MTG2: variants seen among roughly 807,000 people sequenced by gnomAD.
MTG2 encodes the protein mitochondrial ribosome-associated GTPase 2.
In MTG2, 23 loss-of-function variants were observed where a neutral mutation model predicts 28.6. The observed-to-expected ratio is 0.80, with a 90% CI of 0.58 to 1.14. The LOEUF (loss-of-function observed/expected upper bound fraction) is 1.14, where lower values mean the gene tolerates loss of function less well. MTG2 is among the 50% of genes most tolerant of loss of function. The pLI, the probability that MTG2 is intolerant of heterozygous loss-of-function variation, is 0.00. For missense variants in MTG2, 539 were observed against 552.0 expected (o/e 0.98, Z 0.24); for synonymous variants, 260 against 251.8 (o/e 1.03, Z -0.31).
At position 62,203,124 on chromosome 20, in the gene MTG2, G is replaced by A. The variant is rs779938985; in HGVS notation, c.*2047G>A. The A allele has an allele frequency of 1.4e-4, 21 of 152,202 alleles. No homozygotes were observed. The highest frequency in any genetic ancestry group is 1.2e-3 in the Admixed American group (19 of 15,274). 9.4% of individuals were successfully genotyped at this position (152,202 alleles called of 1,614,324 possible). A position where few individuals can be genotyped will look rare whatever the true frequency, so the allele number is the denominator to read the frequency against. ...TTTGTGGAGTCGCCCCAGGCCTGAC[G>A]GCGTTAATTATCCCTGGCTTTCATC... On this transcript the variant is annotated 3_prime_UTR_variant, in exon 7 of 7. Coordinates refer to ENST00000370823, the MANE Select transcript of MTG2 (RefSeq NM_015666.4).
intron 4 of MTG2, 130 bp from the exon 5 acceptor site, chr20:62,198,503 TG>T (rs771224759): frequency 2.4e-4 from 221 of 921,914 alleles, no homozygotes; most frequent in Non-Finnish European, 3.5e-4. Flanking sequence ...CAGAGGTGAG[TG>T]GGGCGGGCAG....
intron 1 of MTG2, among the ~76,000 whole-genome samples, chr20:62,183,885 C>T (rs762882231): frequency 2.6e-5 from 4 of 152,184 alleles, no homozygotes; most frequent in African/African-American, 7.2e-5. Context: ...TTATCCTGGC[C>T]TTAGTCCCTT....
chr20:62,190,545 T>G (rs2057937039), intron 1 of MTG2, among the ~76,000 whole-genome samples: 1 of 152,168 alleles, frequency 6.6e-6, no homozygotes. Context: ...TCTAGAATCT[T>G]TATTGCACCT....
rs535305085 is a variant in MTG2, at chr20:62,202,291, C to T, written c.*1214C>T. 3 of 152,520 alleles carry T rather than the reference C, an allele frequency of 2.0e-5. No individual in the cohort carries two copies. Among genetic ancestry groups the T allele is most frequent in the African/African-American group, 7.2e-5 (3 of 41,586 alleles). The allele number at this position is 152,520 out of a possible 1,614,324, so 9.4% of individuals were successfully genotyped here. A position where few individuals can be genotyped will look rare whatever the true frequency, so the allele number is the denominator to read the frequency against. On this transcript the variant is annotated 3_prime_UTR_variant, in exon 7 of 7. Transcript: ENST00000370823. ...GTAGTCTCAGGCCTCTGACATGTCCCTGAGGGGCCCCTAAGAAAGAAAGTG... is the reference window on the plus strand; with the variant it reads ...GTAGTCTCAGGCCTCTGACATGTCCTTGAGGGGCCCCTAAGAAAGAAAGTG...
chr20:62,183,543 G>A (rs1056014652), intron 1 of MTG2, among the ~76,000 whole-genome samples: 6 of 152,200 alleles, frequency 3.9e-5, no homozygotes, highest in Admixed American at 2.0e-4. Flanking sequence ...TATTGTAAAC[G>A]CGCCTCAGGG....
chr20:62,196,612 G>T (rs2058063362), intron 3 of MTG2, among the ~76,000 whole-genome samples: 1 of 152,142 alleles, frequency 6.6e-6, no homozygotes, highest in South Asian at 2.1e-4. Flanking sequence ...CGAGGTTGCA[G>T]TGAGCTCCGA....
Position 62,198,760 on chromosome 20 carries a change from A to C in MTG2, c.595A>C (p.Asn199His). 1 of 1,614,150 alleles carries C rather than the reference A, an allele frequency of 6.2e-7. No individual in the cohort carries two copies. Among genetic ancestry groups the C allele is most frequent in the Non-Finnish European group, 8.5e-7 (1 of 1,180,042 alleles). ...AGGCAACCGCTTCTTCCTGGCCAACAACAACCGTGCCCCTGTGACCTGTAC... is the reference window on the plus strand; with the variant it reads ...AGGCAACCGCTTCTTCCTGGCCAACCACAACCGTGCCCCTGTGACCTGTAC... ...GKGNRFFLAN[N>H]NRAPVTCTPG... Residue 199 changes from asparagine (N) to histidine (H), a missense_variant, in exon 5 of 7, where the codon AAC (asparagine) becomes CAC (histidine). By Grantham distance (68) the Asn-to-His change is moderately conservative. Transcript: ENST00000370823.
intron 6 of MTG2, among the ~76,000 whole-genome samples, chr20:62,199,691 A>G (rs995301713): frequency 5.7e-5 from 7 of 123,720 alleles, no homozygotes; most frequent in African/African-American, 2.1e-4. Flanking sequence ...AATGTAAACA[A>G]CTTTTTTTTT....
intron 3 of MTG2, among the ~76,000 whole-genome samples, chr20:62,196,703 A>T (rs979533748): frequency 1.3e-5 from 2 of 151,188 alleles, no homozygotes; most frequent in Admixed American, 1.3e-4. Flanking sequence ...AACAAAAAAA[A>T]CCCTGATGTA....
chr20:62,185,188 C>A (rs1012643182), intron 1 of MTG2, among the ~76,000 whole-genome samples: 1 of 150,300 alleles, frequency 6.7e-6, no homozygotes, highest in Non-Finnish European at 1.5e-5. Context: ...CTGAGGTGGG[C>A]GGATCACGAG....
At chr20:62,190,587 G>A (rs1409570096) in intron 1 of MTG2, among the ~76,000 whole-genome samples, 3 of 152,180 alleles carry the variant, frequency 2.0e-5, no homozygotes, top group African/African-American at 7.2e-5. Context: ...CCTGCGTATA[G>A]AATACCTCGG....
intron 1 of MTG2, among the ~76,000 whole-genome samples, chr20:62,185,410 CA>C (rs1286021276): frequency 1.4e-5 from 2 of 138,662 alleles, no homozygotes; most frequent in African/African-American, 2.9e-5. Flanking sequence ...AGACTGTCTC[CA>C]AAAAAAATAA....
In MTG2 at chr20:62,203,527, G is replaced by C. The variant is rs907499989; in HGVS notation, c.*2450G>C. On this transcript the variant is annotated 3_prime_UTR_variant, in exon 7 of 7. Transcript: ENST00000370823. ...TTTTGTCAGTCTGCTTTTCAAATGG[G>C]ATATATGATTCACATACCATAAAAT... 3.9e-5 allele frequency: 6 copies of C among 152,176 alleles called. No homozygotes were observed. Among genetic ancestry groups the C allele is most frequent in the Admixed American group, 3.9e-4 (6 of 15,282 alleles). The allele number at this position is 152,176 out of a possible 1,614,324, so 9.4% of individuals were successfully genotyped here. A position where few individuals can be genotyped will look rare whatever the true frequency, so the allele number is the denominator to read the frequency against.
At chr20:62,196,399 G>A (rs1177527254) in intron 3 of MTG2, among the ~76,000 whole-genome samples, 5 of 151,904 alleles carry the variant, frequency 3.3e-5, no homozygotes, top group South Asian at 2.1e-4. Context: ...CCAGCTAGGC[G>A]CAGTGGCTCA....
rs1353247650 is a variant in MTG2, at chr20:62,197,886, G to C, written c.387G>C (p.Leu129=). The C allele has an allele frequency of 6.2e-7, 1 of 1,614,078 alleles. No homozygotes were observed. The highest frequency in any genetic ancestry group is 8.5e-7 in the Non-Finnish European group (1 of 1,180,010). ...DQQVKSLSSV[L]SRYQGFSGED... is the part of the protein sequence containing the mutation. ...AAGTCAAGTCCCTGTCGTCGGTCCT[G>C]TCGCGGTACCAGGGTTTCAGTGGAG... Residue 129 remains leucine, a synonymous_variant, in exon 4 of 7, where the codon CTG becomes CTC. Coordinates refer to ENST00000370823, the MANE Select transcript of MTG2 (RefSeq NM_015666.4).
At chr20:62,196,452 C>T (rs1240828902) in intron 3 of MTG2, among the ~76,000 whole-genome samples, 1 of 151,824 alleles carries the variant, frequency 6.6e-6, no homozygotes, top group African/African-American at 2.4e-5. Flanking sequence ...GCGGGTGGAT[C>T]GCTTGAGGTC....
chr20:62,197,956 C>T lies in MTG2; in HGVS notation c.457C>T (p.Leu153Phe). Reference sequence around the variant, plus strand: ...CTGCTTCGGGCGCAGTGGCGCCGTCCTCTACATCCGGGTGAGCCGAGACTG... The same window carrying T: ...CTGCTTCGGGCGCAGTGGCGCCGTCTTCTACATCCGGGTGAGCCGAGACTG... ...KNCFGRSGAV[L>F]YIRVPVGTLV... is the part of the protein sequence containing the mutation. Residue 153 changes from leucine to phenylalanine, a missense_variant, in exon 4 of 7, where the codon CTC (leucine) becomes TTC (phenylalanine). Transcript: ENST00000370823. The T allele has an allele frequency of 6.2e-7, 1 of 1,613,848 alleles. No homozygotes were observed. Among genetic ancestry groups the T allele is most frequent in the Non-Finnish European group, 8.5e-7 (1 of 1,179,782 alleles).
At chr20:62,197,553 A>G (rs1362021738) in intron 3 of MTG2, 1 of 247,156 alleles carries the variant, frequency 4.0e-6, no homozygotes, top group Admixed American at 5.0e-5. Context: ...TGCTGGTTAT[A>G]TTCACACTCA....
At chr20:62,189,916 GCCT>G (rs1286853963) in intron 1 of MTG2, among the ~76,000 whole-genome samples, 1 of 152,186 alleles carries the variant, frequency 6.6e-6, no homozygotes, top group African/African-American at 2.4e-5. Flanking sequence ...GCCCGCTTCA[GCCT>G]CCCAAAGTGC....
Sources: gnomAD v4.1 joint callset for allele counts (sites outside exome capture counted in the v4.1 genomes callset) on GRCh38, gnomAD v4.1.1 for gene constraint, MANE v1.5 for transcripts, NCBI Gene and HGNC (gene_info 2026-07-23, HGNC 2026-07-21) for gene names.